CDH13: variants seen among roughly 807,000 people sequenced by gnomAD.
CDH13 encodes cadherin 13.
Under a neutral mutation model 63.8 loss-of-function variants are expected in CDH13, and 24 were observed. The ratio of observed to expected loss-of-function variants is 0.38; its 90% CI spans 0.27 to 0.53. The LOEUF is 0.53. CDH13 is among the 20% of genes least tolerant of loss of function. The pLI is 0.85. For missense variants in CDH13, 1,049 were observed against 903.1 expected (o/e 1.16, Z -2.07); for synonymous variants, 503 against 355.3 (o/e 1.42, Z -4.67).
At chr16:82,914,935 A>G (rs2041940072) in intron 2 of CDH13, among the ~76,000 whole-genome samples, 1 of 152,246 alleles carries the variant, frequency 6.6e-6, no homozygotes, top group Non-Finnish European at 1.5e-5. Context: ...AATCCTCAGA[A>G]AATGTGTTCA....
chr16:83,579,264 G>T (rs976438122), intron 7 of CDH13, among the ~76,000 whole-genome samples: 1 of 152,128 alleles, frequency 6.6e-6, no homozygotes, highest in Non-Finnish European at 1.5e-5. Context: ...GCCATCCTAA[G>T]GCTGACTTCC....
chr16:83,082,468 T>C (rs1429969427), intron 3 of CDH13, among the ~76,000 whole-genome samples: 2 of 151,150 alleles, frequency 1.3e-5, no homozygotes, highest in East Asian at 3.9e-4. Context: ...CTACTAAAAA[T>C]AAAAATAAAA....
chr16:83,291,384 C>G (rs1470767434), intron 5 of CDH13, among the ~76,000 whole-genome samples: 3 of 152,160 alleles, frequency 2.0e-5, no homozygotes, highest in Admixed American at 6.5e-5. Flanking sequence ...TGTACCCCAC[C>G]TCACTCCCAG....
chr16:83,026,181 C>T (rs1458206117), intron 2 of CDH13, among the ~76,000 whole-genome samples: 1 of 152,202 alleles, frequency 6.6e-6, no homozygotes, highest in East Asian at 1.9e-4. Context: ...TCACTTGGTA[C>T]CTCTGATGAT....
chr16:82,761,017 CTTTTTTTTTTTTTT>C (rs35038319), intron 1 of CDH13, among the ~76,000 whole-genome samples: 14 of 40,486 alleles, frequency 3.5e-4, no homozygotes, highest in Admixed American at 8.9e-4. Flanking sequence ...TTCTTTCTTT[CTTTTTTTTTTTTTT>C]TTTTTTTTTT....
chr16:82,643,166 A>G (rs898495924), intron 1 of CDH13, among the ~76,000 whole-genome samples: 8 of 152,180 alleles, frequency 5.3e-5, no homozygotes, highest in African/African-American at 1.2e-4. Context: ...ATAAACCCCA[A>G]ACCTGGGAAT....
chr16:82,793,863 C>T (rs967578601), intron 1 of CDH13, among the ~76,000 whole-genome samples: 2 of 152,106 alleles, frequency 1.3e-5, no homozygotes, highest in Non-Finnish European at 2.9e-5. Flanking sequence ...CAGAATTTTC[C>T]CCTTGCAGTT....
At chr16:82,995,215 A>C (rs994702212) in intron 2 of CDH13, among the ~76,000 whole-genome samples, 2 of 152,200 alleles carry the variant, frequency 1.3e-5, no homozygotes, top group Non-Finnish European at 2.9e-5. Context: ...AACTGTGGCC[A>C]GAACTCATAG....
At chr16:83,140,165 A>C (rs773003723) in intron 4 of CDH13, among the ~76,000 whole-genome samples, 2 of 152,198 alleles carry the variant, frequency 1.3e-5, no homozygotes, top group Non-Finnish European at 2.9e-5. Flanking sequence ...GACACCTAAC[A>C]GTTAACATTC....
chr16:83,334,899 TCTGCCTA>T (rs1250030140), intron 5 of CDH13, among the ~76,000 whole-genome samples: 8 of 152,178 alleles, frequency 5.3e-5, no homozygotes, highest in African/African-American at 1.9e-4. Context: ...TTCATCTAAA[TCTGCCTA>T]CCAAGCCTGT....
intron 2 of CDH13, among the ~76,000 whole-genome samples, chr16:82,866,698 C>T (rs1045716902): frequency 6.6e-6 from 1 of 152,082 alleles, no homozygotes; most frequent in Non-Finnish European, 1.5e-5. Flanking sequence ...CACAGTTCAG[C>T]ATGCCTGGGG....
rs150681317 is a variant in CDH13 at position 83,339,437 on chromosome 16, A to G, written c.637-5425A>G. Among the ~76,000 whole-genome samples the G allele has an allele frequency of 6.6e-5, 10 of 152,230 alleles. No individual in the cohort carries two copies. The East Asian group carries it at 1.9e-3, about 29-fold the overall frequency. ...AAAGGATAAAGCTGGGCCCCTAAAAACTGGGGAGTAATATTTGACTTCAGA... is the reference window on the plus strand; with the variant it reads ...AAAGGATAAAGCTGGGCCCCTAAAAGCTGGGGAGTAATATTTGACTTCAGA... On this transcript the variant is annotated intron_variant, in intron 5 of 13. Transcript: ENST00000567109.
intron 13 of CDH13, among the ~76,000 whole-genome samples, chr16:83,790,688 C>T (rs968106959): frequency 6.6e-6 from 1 of 152,186 alleles, no homozygotes; most frequent in East Asian, 1.9e-4. Context: ...CAGGCGTGAG[C>T]CACCATGCCT....
At chr16:83,230,501 C>T (rs551595222) in intron 5 of CDH13, among the ~76,000 whole-genome samples, 1 of 152,184 alleles carries the variant, frequency 6.6e-6, no homozygotes, top group East Asian at 1.9e-4. Context: ...AGAAAGCTGT[C>T]CCAGGCCGGC....
At chr16:82,936,832 G>T (rs185688893) in intron 2 of CDH13, among the ~76,000 whole-genome samples, 118 of 121,956 alleles carry the variant, frequency 9.7e-4, no homozygotes, top group African/African-American at 5.8e-3. Flanking sequence ...GGTGGGGAGT[G>T]GGGGAGGTAC....
chr16:82,896,275 G>GGTTTTTTTTTT (rs2041252984), intron 2 of CDH13, among the ~76,000 whole-genome samples: 1 of 73,276 alleles, frequency 1.4e-5, no homozygotes, highest in South Asian at 5.3e-4. Flanking sequence ...CTAGGATTAG[G>GGTTTTTTTTTT]ATTTTTTTTT....
At chr16:83,120,191 G>A (rs1210369252) in intron 3 of CDH13, among the ~76,000 whole-genome samples, 1 of 152,054 alleles carries the variant, frequency 6.6e-6, no homozygotes, top group Non-Finnish European at 1.5e-5. Context: ...CTTTTCTTGG[G>A]CACTTTAGAT....
In CDH13 at chr16:83,460,786, G is replaced by A. The variant is rs143989665; in HGVS notation, c.782-25691G>A. Among the ~76,000 whole-genome samples the A allele has an allele frequency of 6.3e-3, 947 of 151,374 alleles. 6 individuals carry two copies. Among genetic ancestry groups the A allele is most frequent in the Middle Eastern group, 0.014 (4 of 292 alleles). On this transcript the variant is annotated intron_variant, in intron 6 of 13. Coordinates refer to ENST00000567109, the MANE Select transcript of CDH13 (RefSeq NM_001257.5). ...AGGCGGGAGGATTGCTTTAGCCTAG[G>A]ATTTTGTCCAAGATCAGCCTGGGCA...
At chr16:82,970,250 A>T (rs1247167717) in intron 2 of CDH13, among the ~76,000 whole-genome samples, 1 of 152,184 alleles carries the variant, frequency 6.6e-6, no homozygotes, top group Non-Finnish European at 1.5e-5. Flanking sequence ...CCTGCAAAAG[A>T]CAGGAACTCA....
Sources: allele counts gnomAD v4.1 joint callset (sites outside exome capture counted in the v4.1 genomes callset), GRCh38; gene constraint gnomAD v4.1.1; transcripts MANE v1.5; gene names NCBI Gene and HGNC (gene_info 2026-07-23, HGNC 2026-07-21).